GNAO1: variants seen among roughly 807,000 people sequenced by gnomAD.
GNAO1 encodes the protein guanine nucleotide-binding protein G(o) subunit alpha.
For synonymous variants in GNAO1, 164 were observed against 180.7 expected, an observed-to-expected ratio of 0.91 and a Z score of 0.74; for missense variants, 166 against 478.7, an observed-to-expected ratio of 0.35 and a Z score of 6.10.
In GNAO1 at chr16:56,312,085, GC is replaced by G. The variant is rs535937988; in HGVS notation, c.304-16542del. Reference sequence around the variant, plus strand: ...GGCTGCCGGGCTCTGGGCCAGCTCTGCCCCTGGCTTGCTGATGGCCCCACCT... The same window carrying G: ...GGCTGCCGGGCTCTGGGCCAGCTCTGCCCTGGCTTGCTGATGGCCCCACCT... On this transcript the variant is annotated intron_variant, in intron 3 of 8. Coordinates refer to ENST00000262493, the MANE Select transcript of GNAO1 (RefSeq NM_020988.3). Among the ~76,000 whole-genome samples the G allele has an allele frequency of 7.1e-3, 1,084 of 152,234 alleles. 18 individuals are homozygous for G. Among genetic ancestry groups the G allele is most frequent in the African/African-American group, 0.025 (1,035 of 41,532 alleles).
At chr16:56,322,304 A>G (rs1264270445) in intron 3 of GNAO1, among the ~76,000 whole-genome samples, 1 of 152,164 alleles carries the variant, frequency 6.6e-6, no homozygotes, top group Non-Finnish European at 1.5e-5. Flanking sequence ...TGGCCTGGGC[A>G]CCCAGGCACG....
intron 2 of GNAO1, among the ~76,000 whole-genome samples, chr16:56,201,788 G>C (rs2036284001): frequency 6.6e-6 from 1 of 152,232 alleles, no homozygotes; most frequent in Admixed American, 6.5e-5. Context: ...TTGGGCTACT[G>C]GTGGATGGTA....
chr16:56,284,820 T>C (rs2037149604), intron 3 of GNAO1, among the ~76,000 whole-genome samples: 2 of 152,350 alleles, frequency 1.3e-5, no homozygotes, highest in South Asian at 4.1e-4. Context: ...ACTAGGGATA[T>C]GCATGGCCTG....
intron 2 of GNAO1, among the ~76,000 whole-genome samples, chr16:56,273,062 T>G (rs2037032226): frequency 6.6e-6 from 1 of 152,256 alleles, no homozygotes; most frequent in African/African-American, 2.4e-5. Flanking sequence ...GTATCTTGAC[T>G]TATTACACTT....
intron 2 of GNAO1, among the ~76,000 whole-genome samples, chr16:56,237,930 T>A (rs997364259): frequency 2.0e-5 from 3 of 152,240 alleles, no homozygotes; most frequent in South Asian, 4.1e-4. Context: ...TAGTCTCATC[T>A]GTGGGATCCG....
chr16:56,329,045 G>A (rs1033550049), intron 4 of GNAO1: 10 of 469,044 alleles, frequency 2.1e-5, no homozygotes, highest in Admixed American at 7.2e-5. Context: ...CCAGAGGGCC[G>A]GGACCTTGTC....
At chr16:56,274,434 C>A (rs2037044180) in intron 2 of GNAO1, among the ~76,000 whole-genome samples, 1 of 152,194 alleles carries the variant, frequency 6.6e-6, no homozygotes, top group African/African-American at 2.4e-5. Context: ...TTAATAGGGT[C>A]ATTCTGATCT....
intron 6 of GNAO1, among the ~76,000 whole-genome samples, chr16:56,350,741 G>A (rs1320436143): frequency 1.3e-5 from 2 of 152,100 alleles, no homozygotes; most frequent in African/African-American, 4.8e-5. Flanking sequence ...GGCAGGACCT[G>A]GCATGCCTTC....
chr16:56,192,220 C>T lies in GNAO1; in HGVS notation c.-16C>T. On this transcript the variant is annotated 5_prime_UTR_variant, in exon 1 of 9. Coordinates refer to ENST00000262493, the MANE Select transcript of GNAO1 (RefSeq NM_020988.3). ...GCCAGCCGAGTCGTGCGGGCTGTGG[C>T]AGGGAAGGGGCCACCATGGGATGTA... The T allele has an allele frequency of 3.5e-6, 5 of 1,429,854 alleles. No homozygotes were observed. In the African/African-American group the frequency reaches 5.6e-5, roughly 16 times the overall value. The allele number at this position is 1,429,854 out of a possible 1,614,324, so 88.6% of individuals were successfully genotyped here.
chr16:56,234,314 C>T (rs966043474), intron 2 of GNAO1, among the ~76,000 whole-genome samples: 1 of 152,260 alleles, frequency 6.6e-6, no homozygotes, highest in Non-Finnish European at 1.5e-5. Flanking sequence ...CAGCCAGCCT[C>T]ATGGCCTTGG....
At chr16:56,255,953 A>C (rs1190400430) in intron 2 of GNAO1, among the ~76,000 whole-genome samples, 1 of 152,174 alleles carries the variant, frequency 6.6e-6, no homozygotes, top group Admixed American at 6.5e-5. Context: ...GAAATCTTTT[A>C]AGTCTGCCCT....
At chr16:56,276,965 T>G (rs1452618815) in intron 3 of GNAO1, 2 of 152,200 alleles carry the variant, frequency 1.3e-5, no homozygotes, top group African/African-American at 4.8e-5. Flanking sequence ...TGTGATTTGA[T>G]TGTCTATTAT....
At chr16:56,281,427 G>A (rs148647344) in intron 3 of GNAO1, among the ~76,000 whole-genome samples, 1 of 152,042 alleles carries the variant, frequency 6.6e-6, no homozygotes, top group African/African-American at 2.4e-5. Flanking sequence ...CCACCCCAGC[G>A]AGCAAGGCTG....
rs148863302 is a variant in GNAO1 at position 56,258,952 on chromosome 16, A to C, written c.162-16979A>C. On this transcript the variant is annotated intron_variant, in intron 2 of 8. Coordinates refer to ENST00000262493, the MANE Select transcript of GNAO1 (RefSeq NM_020988.3). ...TGACACAGATGTCCCAGTCAAGGCC[A>C]CTCCTGTGCACAGCCCTTTGTTCTT... Among the ~76,000 whole-genome samples the C allele has an allele frequency of 2.7e-3, 407 of 152,176 alleles. 1 individual carries two copies. The highest frequency in any genetic ancestry group is 9.3e-3 in the African/African-American group (385 of 41,514).
At chr16:56,218,376 A>T (rs541200157) in intron 2 of GNAO1, among the ~76,000 whole-genome samples, 1 of 152,240 alleles carries the variant, frequency 6.6e-6, no homozygotes, top group African/African-American at 2.4e-5. Flanking sequence ...TCTTGCAGGG[A>T]TGTTGAGGTG....
At chr16:56,251,962 G>C (rs1349668755) in intron 2 of GNAO1, among the ~76,000 whole-genome samples, 1 of 152,160 alleles carries the variant, frequency 6.6e-6, no homozygotes, top group Non-Finnish European at 1.5e-5. Context: ...CCTCCAGCCA[G>C]AGGCACCAAT....
At chr16:56,280,233 G>A (rs112993784) in intron 3 of GNAO1, among the ~76,000 whole-genome samples, 2,604 of 152,330 alleles carry the variant, frequency 0.017, 61 homozygotes, top group South Asian at 0.058. Flanking sequence ...GCTGCTTAGT[G>A]GGAGTGAAGA....
At chr16:56,247,492 T>G (rs891772153) in intron 2 of GNAO1, among the ~76,000 whole-genome samples, 2 of 151,144 alleles carry the variant, frequency 1.3e-5, no homozygotes, top group African/African-American at 4.9e-5. Flanking sequence ...GTTTTTTTTT[T>G]TTTTTTTTTT....
intron 2 of GNAO1, among the ~76,000 whole-genome samples, chr16:56,195,195 G>A (rs1447339803): frequency 6.6e-6 from 1 of 151,328 alleles, no homozygotes; most frequent in Non-Finnish European, 1.5e-5. Context: ...CTCTCTTTAG[G>A]AAGTAGGGTA....
Sources: allele counts gnomAD v4.1 joint callset (sites outside exome capture counted in the v4.1 genomes callset), GRCh38; gene constraint gnomAD v4.1.1; transcripts MANE v1.5; gene names NCBI Gene and HGNC (gene_info 2026-07-23, HGNC 2026-07-21).